Variants in PCDHGA2 observed in about 807,000 individuals in gnomAD.
PCDHGA2 encodes protocadherin gamma subfamily A, 2.
PCDHGA2 carries 40 observed loss-of-function variants against 59.2 expected under a neutral mutation model. That is an observed-to-expected ratio of 0.68 (90% confidence interval 0.52 to 0.88). The LOEUF is 0.88. Among genes scored for constraint, PCDHGA2 ranks in the 40% least tolerant of loss-of-function variants. The pLI is 0.00. For missense variants in PCDHGA2, 1,226 were observed against 1,204.0 expected (o/e 1.02, Z -0.27); for synonymous variants, 560 against 526.0 (o/e 1.06, Z -0.89).
chr5:141,427,220 T>G (rs1487350481), intron 1 of PCDHGA2: 1 of 456,710 alleles, frequency 2.2e-6, no homozygotes, highest in East Asian at 6.9e-5. Flanking sequence ...TTCGTAGCAG[T>G]TATACCATGA....
chr5:141,433,208 C>CA, intron 1 of PCDHGA2: 1 of 1,293,080 alleles, frequency 7.7e-7, no homozygotes, highest in Non-Finnish European at 1.1e-6. Context: ...AATCTTCTTT[C>CA]TTTTTTTTTT....
At chr5:141,356,938 C>T (rs1284977558) in intron 1 of PCDHGA2, 4 of 1,614,116 alleles carry the variant, frequency 2.5e-6, no homozygotes, top group South Asian at 2.2e-5. Flanking sequence ...GCTGGCACCC[C>T]GCTCCGCAGA....
In PCDHGA2 at chr5:141,357,378, C is replaced by A. The variant is rs1489356884; in HGVS notation, c.2424+15983C>A. 3 of 1,614,096 alleles carry A rather than the reference C, an allele frequency of 1.9e-6. No individual in the cohort carries two copies. The South Asian group carries it at 3.3e-5, about 18-fold the overall frequency. On this transcript the variant is annotated intron_variant, in intron 1 of 3. Transcript: ENST00000394576. ...GCTGGCACAAGTCACGCCTGCTTCA[C>A]GCTGAAGGCAGCAGGTTGGCAGGTG...
At chr5:141,454,666 A>G (rs1561955978) in intron 1 of PCDHGA2, among the ~76,000 whole-genome samples, 1 of 152,104 alleles carries the variant, frequency 6.6e-6, no homozygotes, top group Non-Finnish European at 1.5e-5. Context: ...TCGGCCTCCC[A>G]AAACACTGGG....
chr5:141,341,637 G>C (rs981604478), intron 1 of PCDHGA2: 10 of 779,414 alleles, frequency 1.3e-5, no homozygotes, highest in African/African-American at 3.5e-5. Context: ...ATTATCCAAA[G>C]AGCACTGCAT....
In PCDHGA2 at chr5:141,485,848, C is replaced by T; in HGVS notation, c.2425-8959C>T. On this transcript the variant is annotated intron_variant, in intron 1 of 3. Coordinates refer to ENST00000394576, the MANE Select transcript of PCDHGA2 (RefSeq NM_018915.4). This position sits in a 1 kb window ranked among gnomAD's most constrained non-coding sequence, Gnocchi z 5.7. ...GAGGGAACCCGCCGAGATCTGGCAC[C>T]GCAGAGCTCCGGGTATCCGTGCTGG... The T allele has an allele frequency of 1.2e-6, 2 of 1,614,194 alleles. No homozygotes were observed. Among genetic ancestry groups the T allele is most frequent in the South Asian group, 2.2e-5 (2 of 91,080 alleles).
chr5:141,382,044 G>T (rs940702463), intron 1 of PCDHGA2, among the ~76,000 whole-genome samples: 4 of 151,760 alleles, frequency 2.6e-5, no homozygotes, highest in African/African-American at 9.7e-5. Flanking sequence ...GGTCAGGCTG[G>T]TCTCAAGCTC....
chr5:141,427,960 G>T (rs759698390), intron 1 of PCDHGA2: 2 of 1,589,168 alleles, frequency 1.3e-6, no homozygotes, highest in Non-Finnish European at 1.7e-6. Context: ...AATGTGCCGC[G>T]GGTGCTGTAC....
chr5:141,364,841 C>A, intron 1 of PCDHGA2: 1 of 1,613,988 alleles, frequency 6.2e-7, no homozygotes, highest in Non-Finnish European at 8.5e-7. Flanking sequence ...CCGGAGTTAC[C>A]AGCTCAGCTC....
At position 141,339,298 on chromosome 5, in the gene PCDHGA2, G is replaced by A. The variant is rs1487466494; in HGVS notation, c.327G>A (p.Leu109=). 1.2e-6 allele frequency: 2 copies of A among 1,614,268 alleles called. No homozygotes were observed. Among genetic ancestry groups the A allele is most frequent in the Admixed American group, 3.3e-5 (2 of 60,030 alleles). Reference sequence around the variant, plus strand: ...CCTGTCTGTTGAATTTTAACATTCTGCTGGAGGATAAATTGACTATTTATT... The same window carrying A: ...CCTGTCTGTTGAATTTTAACATTCTACTGGAGGATAAATTGACTATTTATT... ...SAPCLLNFNI[L]LEDKLTIYSV... Residue 109 remains leucine, a synonymous_variant, in exon 1 of 4, where the codon CTG becomes CTA. Transcript: ENST00000394576.
chr5:141,466,037 G>T (rs1204301031), intron 1 of PCDHGA2, among the ~76,000 whole-genome samples: 1 of 152,056 alleles, frequency 6.6e-6, no homozygotes, highest in African/African-American at 2.4e-5. Flanking sequence ...CAGGAGAACG[G>T]CATGAACCCA....
Position 141,352,027 on chromosome 5 carries a change from G to A in PCDHGA2, c.2424+10632G>A, listed in dbSNP as rs764316289. Reference sequence around the variant, plus strand: ...GCTACCTGGTGACCAAGGTGGTGGCGGTGGACGCAGACTCAGGACACAACG... The same window carrying A: ...GCTACCTGGTGACCAAGGTGGTGGCAGTGGACGCAGACTCAGGACACAACG... On this transcript the variant is annotated intron_variant, in intron 1 of 3. Transcript: ENST00000394576. 8 of 1,609,132 alleles carry A rather than the reference G, an allele frequency of 5.0e-6. No individual in the cohort carries two copies. The South Asian group carries it at 8.8e-5, about 18-fold the overall frequency.
Position 141,477,354 on chromosome 5 carries a change from C to T in PCDHGA2, c.2425-17453C>T, listed in dbSNP as rs1164062950. On this transcript the variant is annotated intron_variant, in intron 1 of 3. Coordinates refer to ENST00000394576, the MANE Select transcript of PCDHGA2 (RefSeq NM_018915.4). This position sits in a 1 kb window ranked among gnomAD's most constrained non-coding sequence, Gnocchi z 4.9. ...AATTACTTCACTTTGAAAACCAGTG[C>T]AGACCTGGATCGGGAGACTGTGCCA... 14 of 1,614,202 alleles carry T rather than the reference C, an allele frequency of 8.7e-6. No homozygotes were observed. The highest frequency in any genetic ancestry group is 1.1e-5 in the Non-Finnish European group (13 of 1,180,036).
At chr5:141,473,369 G>A (rs888984972) in intron 1 of PCDHGA2, among the ~76,000 whole-genome samples, 1 of 152,200 alleles carries the variant, frequency 6.6e-6, no homozygotes, top group African/African-American at 2.4e-5. Context: ...CACCAAAATA[G>A]CATGGTCCCT....
Position 141,511,669 on chromosome 5 carries a change from T to C in PCDHGA2, c.*496T>C, listed in dbSNP as rs1468492336. 1 of 199,424 alleles carries C rather than the reference T, an allele frequency of 5.0e-6. No individual in the cohort carries two copies. The highest frequency in any genetic ancestry group is 2.3e-5 in the African/African-American group (1 of 43,748). The allele number at this position is 199,424 out of a possible 1,614,324, so 12.4% of individuals were successfully genotyped here. ...TCTTGGCCTCTCCTTTGATTCTCAA[T>C]CTTCCCCCAAAGCATGGTTTGGTGC... On this transcript the variant is annotated 3_prime_UTR_variant, in exon 4 of 4. Coordinates refer to ENST00000394576, the MANE Select transcript of PCDHGA2 (RefSeq NM_018915.4).
At position 141,486,004 on chromosome 5, in the gene PCDHGA2, C is replaced by T; in HGVS notation, c.2425-8803C>T. The T allele has an allele frequency of 6.2e-7, 1 of 1,614,184 alleles. No homozygotes were observed. The highest frequency in any genetic ancestry group is 8.5e-7 in the Non-Finnish European group (1 of 1,180,008). The stretch of plus-strand genomic sequence containing the variant: ...CGGACCTGGGTCCCAGTGGTAACGT[C>T]ACCTTTTATTTCAGTGGTCATACCC... On this transcript the variant is annotated intron_variant, in intron 1 of 3. Coordinates refer to ENST00000394576, the MANE Select transcript of PCDHGA2 (RefSeq NM_018915.4). This position sits in a 1 kb window ranked among gnomAD's most constrained non-coding sequence, Gnocchi z 5.0.
chr5:141,377,551 G>T (rs949060522), intron 1 of PCDHGA2: 3 of 151,380 alleles, frequency 2.0e-5, no homozygotes, highest in African/African-American at 7.3e-5. Flanking sequence ...AGATATAATT[G>T]TGTCACTGCA....
At chr5:141,399,231 T>C in intron 1 of PCDHGA2, 1 of 1,613,942 alleles carries the variant, frequency 6.2e-7, no homozygotes, top group Non-Finnish European at 8.5e-7. Flanking sequence ...TCAAAATACA[T>C]GACCAAGATT....
In PCDHGA2 at chr5:141,486,587, G is replaced by A. The variant is rs2099631441; in HGVS notation, c.2425-8220G>A. 6.2e-7 allele frequency: 1 copy of A among 1,613,478 alleles called. No homozygotes were observed. The highest frequency in any genetic ancestry group is 1.7e-5 in the Admixed American group (1 of 60,014). On this transcript the variant is annotated intron_variant, in intron 1 of 3. Coordinates refer to ENST00000394576, the MANE Select transcript of PCDHGA2 (RefSeq NM_018915.4). The surrounding 1 kb of genome is among the most constrained non-coding windows in gnomAD (Gnocchi z 5.0). ...TGTTCCTGAGAACAATCGCCCAGGGGACCTGCTTTGCTCCCTTGCAGCCTC... is the reference window on the plus strand; with the variant it reads ...TGTTCCTGAGAACAATCGCCCAGGGAACCTGCTTTGCTCCCTTGCAGCCTC...
Sources: allele counts gnomAD v4.1 joint callset (sites outside exome capture counted in the v4.1 genomes callset), GRCh38; gene constraint gnomAD v4.1.1; non-coding constraint Gnocchi (gnomAD v3.1); transcripts MANE v1.5; gene names NCBI Gene and HGNC (gene_info 2026-07-23, HGNC 2026-07-21).